Variants in TRIM71 observed in about 807,000 individuals in gnomAD.
TRIM71 encodes the protein E3 ubiquitin-protein ligase TRIM71.
Under a neutral mutation model 61.2 loss-of-function variants are expected in TRIM71, and 9 were observed. The ratio of observed to expected loss-of-function variants is 0.15; its 90% CI spans 0.09 to 0.26. The LOEUF is 0.26. Among genes scored for constraint, TRIM71 ranks in the 10% least tolerant of loss-of-function variants. The pLI, the probability that TRIM71 is intolerant of heterozygous loss-of-function variation, is 1.00. For missense variants in TRIM71, 998 were observed against 1,238.7 expected (o/e 0.81, Z 2.92); for synonymous variants, 645 against 553.2 (o/e 1.17, Z -2.33).
intron 3 of TRIM71, among the ~76,000 whole-genome samples, chr3:32,887,775 A>T (rs1019999036): frequency 6.6e-6 from 1 of 152,048 alleles, no homozygotes; most frequent in Non-Finnish European, 1.5e-5. Context: ...AATATTCTTT[A>T]ATCTGTCCCC....
In TRIM71 at chr3:32,892,435, C is replaced by T. The variant is rs962923782; in HGVS notation, c.*624C>T. Reference sequence around the variant, plus strand: ...CTGCAACAGAGAAATTTCCTCTGTTCTCTGTTTATACCTCAGTGTGTTTAA... The same window carrying T: ...CTGCAACAGAGAAATTTCCTCTGTTTTCTGTTTATACCTCAGTGTGTTTAA... On this transcript the variant is annotated 3_prime_UTR_variant, in exon 4 of 4. Transcript: ENST00000383763. The T allele has an allele frequency of 1.3e-5, 2 of 152,312 alleles. No homozygotes were observed. The highest frequency in any genetic ancestry group is 4.8e-5 in the African/African-American group (2 of 41,442). The allele number at this position is 152,312 out of a possible 1,614,324, so 9.4% of individuals were successfully genotyped here.
Position 32,818,016 on chromosome 3 carries a change from C to T in TRIM71, c.-65C>T. The T allele has an allele frequency of 2.5e-5, 37 of 1,505,486 alleles. No individual in the cohort carries two copies. Among genetic ancestry groups the T allele is most frequent in the Non-Finnish European group, 3.2e-5 (35 of 1,092,984 alleles). 93.3% of individuals were successfully genotyped at this position (1,505,486 alleles called of 1,614,324 possible). The stretch of plus-strand genomic sequence containing the variant: ...TCGGTGACTCCCCCACCCACCTCGT[C>T]CGCTCTCTCCTCCTCCTCCTCCTCT... On this transcript the variant is annotated 5_prime_UTR_variant, in exon 1 of 4. Coordinates refer to ENST00000383763, the MANE Select transcript of TRIM71 (RefSeq NM_001039111.3).
chr3:32,895,134 G>A lies in TRIM71; in HGVS notation c.*3323G>A, dbSNP rs1697064887. 6.6e-6 allele frequency: 1 copy of A among 152,224 alleles called. No individual in the cohort carries two copies. The highest frequency in any genetic ancestry group is 2.1e-4 in the South Asian group (1 of 4,834). 9.4% of individuals were successfully genotyped at this position (152,224 alleles called of 1,614,324 possible). ...GACACTGACTTAACATTTCAAAAGTGTTATTTTTGGTCCCAAGATCTAATG... is the reference window on the plus strand; with the variant it reads ...GACACTGACTTAACATTTCAAAAGTATTATTTTTGGTCCCAAGATCTAATG... On this transcript the variant is annotated 3_prime_UTR_variant, in exon 4 of 4. Transcript: ENST00000383763.
At chr3:32,832,207 C>A (rs1696280666) in intron 1 of TRIM71, among the ~76,000 whole-genome samples, 1 of 152,144 alleles carries the variant, frequency 6.6e-6, no homozygotes, top group Admixed American at 6.5e-5. Flanking sequence ...TGGTTCATGC[C>A]TGTAATCCCA....
At position 32,892,005 on chromosome 3, in the gene TRIM71, C is replaced by T. The variant is rs867161036; in HGVS notation, c.*194C>T. The T allele has an allele frequency of 1.2e-5, 9 of 724,098 alleles. No individual in the cohort carries two copies. In the Admixed American group the frequency reaches 1.5e-4, roughly 12 times the overall value. 44.9% of individuals were successfully genotyped at this position (724,098 alleles called of 1,614,324 possible). A position where few individuals can be genotyped will look rare whatever the true frequency, so the allele number is the denominator to read the frequency against. On this transcript the variant is annotated 3_prime_UTR_variant, in exon 4 of 4. Coordinates refer to ENST00000383763, the MANE Select transcript of TRIM71 (RefSeq NM_001039111.3). ...GTCCTACCTCATCTTTATTTTTTTA[C>T]AGATGAATGTACTTATCTTTTCTGC... is the stretch of plus-strand genomic sequence containing the variant.
chr3:32,873,451 A>G (rs1559548371), intron 1 of TRIM71, among the ~76,000 whole-genome samples: 1 of 152,144 alleles, frequency 6.6e-6, no homozygotes, highest in Non-Finnish European at 1.5e-5. Context: ...AGTCTTAACA[A>G]CTTTTCTGGA....
intron 1 of TRIM71, among the ~76,000 whole-genome samples, chr3:32,820,159 G>T (rs1467511702): frequency 6.6e-6 from 1 of 152,224 alleles, no homozygotes; most frequent in Non-Finnish European, 1.5e-5. Context: ...GACTGCAGAG[G>T]CTTTAAAAGC....
intron 1 of TRIM71, among the ~76,000 whole-genome samples, chr3:32,835,247 T>TG (rs1183532444): frequency 3.3e-5 from 5 of 151,586 alleles, no homozygotes; most frequent in Non-Finnish European, 7.4e-5. Context: ...ATGGGGGGAG[T>TG]GGGGGCAGAA....
intron 2 of TRIM71, among the ~76,000 whole-genome samples, chr3:32,874,431 C>T (rs1274979587): frequency 2.0e-5 from 3 of 151,662 alleles, no homozygotes; most frequent in African/African-American, 4.9e-5. Flanking sequence ...TGTGTGATCT[C>T]GGCTAACCAC....
intron 1 of TRIM71, among the ~76,000 whole-genome samples, chr3:32,856,591 A>G (rs1488029658): frequency 6.6e-6 from 1 of 152,244 alleles, no homozygotes; most frequent in Non-Finnish European, 1.5e-5. Flanking sequence ...TTGACTGGAC[A>G]TGAATAAGAG....
At chr3:32,881,135 C>T (rs1035538300) in intron 2 of TRIM71, among the ~76,000 whole-genome samples, 3 of 152,160 alleles carry the variant, frequency 2.0e-5, no homozygotes, top group African/African-American at 7.2e-5. Context: ...TTTCCTGCCT[C>T]AGCCTCCTGA....
At position 32,885,989 on chromosome 3, in the gene TRIM71, T is replaced by C; in HGVS notation, c.1076T>C (p.Val359Ala). The C allele has an allele frequency of 1.2e-6, 2 of 1,614,092 alleles. No individual in the cohort carries two copies. Among genetic ancestry groups the C allele is most frequent in the East Asian group, 2.2e-5 (1 of 44,872 alleles). The change falls in exon 3 of 4, where the codon GTT becomes GCT. Residue 359 changes from valine to alanine, a missense_variant. By Grantham distance (64) the Val-to-Ala change is moderately conservative. Transcript: ENST00000383763. ...GAACAGGTGGAGATGAAGGCGAAGG[T>C]TGTGCAGTCGGAGGTCAAAGCCGTG... ...VAEQVEMKAK[V>A]VQSEVKAVTA...
intron 1 of TRIM71, among the ~76,000 whole-genome samples, chr3:32,830,059 G>A (rs1696252367): frequency 6.6e-6 from 1 of 151,510 alleles, no homozygotes. Flanking sequence ...GGGTATATGG[G>A]ACTATAGGTA....
chr3:32,820,401 C>A (rs1213434299), intron 1 of TRIM71, among the ~76,000 whole-genome samples: 3 of 152,142 alleles, frequency 2.0e-5, no homozygotes, highest in African/African-American at 4.8e-5. Context: ...AGCTAGGGGG[C>A]AGTTATCTTT....
chr3:32,826,431 A>G (rs756889209), intron 1 of TRIM71, among the ~76,000 whole-genome samples: 26 of 152,108 alleles, frequency 1.7e-4, no homozygotes, highest in Admixed American at 3.3e-4. Flanking sequence ...GAACAAGACT[A>G]TGTCTCACAA....
At chr3:32,866,104 G>A (rs2125686693) in intron 1 of TRIM71, among the ~76,000 whole-genome samples, 1 of 152,032 alleles carries the variant, frequency 6.6e-6, no homozygotes, top group East Asian at 1.9e-4. Context: ...GGGATTACAG[G>A]CGTGAGCCAC....
chr3:32,833,026 C>G (rs1696290777), intron 1 of TRIM71, among the ~76,000 whole-genome samples: 1 of 151,524 alleles, frequency 6.6e-6, no homozygotes, highest in African/African-American at 2.4e-5. Flanking sequence ...AATACAAAAA[C>G]TAACCAGGCT....
chr3:32,834,115 T>G (rs1168979635), intron 1 of TRIM71, among the ~76,000 whole-genome samples: 1 of 152,222 alleles, frequency 6.6e-6, no homozygotes, highest in Non-Finnish European at 1.5e-5. Flanking sequence ...CCCAAATATT[T>G]GGAGCTTTGG....
intron 2 of TRIM71, among the ~76,000 whole-genome samples, chr3:32,884,036 C>G (rs1696935220): frequency 1.3e-5 from 2 of 152,288 alleles, no homozygotes; most frequent in South Asian, 4.1e-4. Context: ...TCAGTGGATC[C>G]TTAGGTCACA....
Sources: gnomAD v4.1 joint callset for allele counts (sites outside exome capture counted in the v4.1 genomes callset) on GRCh38, gnomAD v4.1.1 for gene constraint, MANE v1.5 for transcripts, NCBI Gene and HGNC (gene_info 2026-07-23, HGNC 2026-07-21) for gene names.